Variants in CNBD1 observed in about 807,000 individuals in gnomAD.
CNBD1 encodes the protein cyclic nucleotide-binding domain-containing protein 1.
A neutral mutation model predicts 54.4 loss-of-function variants in CNBD1; 71 were observed. The observed-to-expected ratio is 1.30, with a 90% CI of 1.08 to 1.59. The LOEUF is 1.59. Ranked by LOEUF, CNBD1 falls within the 40% of genes most tolerant of loss-of-function variation. CNBD1 has a pLI of 0.00. For synonymous variants in CNBD1, 182 were observed against 170.7 expected, an observed-to-expected ratio of 1.07 and a Z score of -0.51; for missense variants, 659 against 518.0, an observed-to-expected ratio of 1.27 and a Z score of -2.64.
rs1180325597 is a variant in CNBD1, at chr8:87,421,787, C to G, written c.214-6759C>G. 9.1e-3 allele frequency among the ~76,000 whole-genome samples: 1,318 copies of G among 145,004 alleles called. 12 individuals are homozygous for G. The highest frequency in any genetic ancestry group is 0.032 in the African/African-American group (1,218 of 38,478). On this transcript the variant is annotated intron_variant, in intron 2 of 7. Transcript: ENST00000521593. ...TGATTTATAGTCCTTTGGGTATATA[C>G]CCAGTAATGGGATGGCTGGGTCAAA...
downstream of CNBD1, chr8:87,382,969 G>A (rs901295832): frequency 4.0e-5 from 7 of 173,202 alleles, no homozygotes; most frequent in Non-Finnish European, 8.5e-5. Context: ...ACAAAAGGAT[G>A]GAAACATACT....
chr8:87,158,269 G>T (rs1812786255), intron 4 of CNBD1, among the ~76,000 whole-genome samples: 2 of 152,056 alleles, frequency 1.3e-5, no homozygotes, highest in Admixed American at 1.3e-4. Context: ...TGCTAAGAGG[G>T]ATTCATAATA....
chr8:87,411,882 A>G (rs1269162933), intron 2 of CNBD1, among the ~76,000 whole-genome samples: 1 of 151,918 alleles, frequency 6.6e-6, no homozygotes, highest in Non-Finnish European at 1.5e-5. Flanking sequence ...AGAAACCTAA[A>G]CAATATTATT....
At chr8:87,289,953 TG>T (rs1337500387) in intron 8 of CNBD1, among the ~76,000 whole-genome samples, 3 of 152,126 alleles carry the variant, frequency 2.0e-5, no homozygotes, top group African/African-American at 7.2e-5. Context: ...CATCCTTCAC[TG>T]GTCTCTTTTG....
chr8:87,216,023 T>G (rs1814202250), intron 5 of CNBD1, among the ~76,000 whole-genome samples: 1 of 152,198 alleles, frequency 6.6e-6, no homozygotes, highest in South Asian at 2.1e-4. Flanking sequence ...CTTAACATAG[T>G]GTTTTCGTGG....
chr8:87,226,246 T>C (rs1814487045), intron 5 of CNBD1, among the ~76,000 whole-genome samples: 1 of 151,632 alleles, frequency 6.6e-6, no homozygotes, highest in African/African-American at 2.4e-5. Flanking sequence ...TTCCTTCAGT[T>C]CTGCTCTGAT....
intron 4 of CNBD1, among the ~76,000 whole-genome samples, chr8:87,122,227 T>G (rs1008887595): frequency 6.6e-6 from 1 of 151,904 alleles, no homozygotes; most frequent in Admixed American, 6.6e-5. Flanking sequence ...TCACCAAACC[T>G]TATCTTTCAT....
At chr8:87,203,503 A>G (rs868722538) in intron 4 of CNBD1, among the ~76,000 whole-genome samples, 7 of 152,192 alleles carry the variant, frequency 4.6e-5, no homozygotes, top group Admixed American at 2.0e-4. Flanking sequence ...CATGGTGACA[A>G]CAGAATGATT....
Position 87,282,191 on chromosome 8 carries a change from T to C in CNBD1, c.772-2487T>C, listed in dbSNP as rs528768664. ...AAACCTATACAATATTTTTCTTTCC[T>C]AGCCCAAGAATATAAAGATTCTCAA... On this transcript the variant is annotated intron_variant, in intron 6 of 10. Transcript: ENST00000518476. 4.0e-5 allele frequency among the ~76,000 whole-genome samples: 6 copies of C among 151,890 alleles called. No individual in the cohort carries two copies. In the East Asian group the frequency reaches 1.2e-3, roughly 29 times the overall value.
At chr8:87,256,284 A>G (rs558560539) in intron 6 of CNBD1, among the ~76,000 whole-genome samples, 1 of 151,694 alleles carries the variant, frequency 6.6e-6, no homozygotes, top group South Asian at 2.1e-4. Flanking sequence ...AGCCTCCCAG[A>G]GTGCTGGTAT....
chr8:86,960,065 T>C (rs916886078), intron 4 of CNBD1, among the ~76,000 whole-genome samples: 5 of 152,160 alleles, frequency 3.3e-5, no homozygotes, highest in East Asian at 1.9e-4. Context: ...CAGCTCCCAG[T>C]GTAAGCAATG....
intron 4 of CNBD1, among the ~76,000 whole-genome samples, chr8:87,195,380 C>T (rs2130789149): frequency 6.6e-6 from 1 of 151,584 alleles, no homozygotes; most frequent in Non-Finnish European, 1.5e-5. Flanking sequence ...AGGTGCATGC[C>T]ATCACACCTG....
intron 2 of CNBD1, among the ~76,000 whole-genome samples, chr8:86,903,721 A>G (rs1370221303): frequency 6.6e-6 from 1 of 152,086 alleles, no homozygotes; most frequent in Non-Finnish European, 1.5e-5. Flanking sequence ...TCTCAAATAA[A>G]GTATATTGTC....
At chr8:87,030,522 A>G (rs994454835) in intron 4 of CNBD1, among the ~76,000 whole-genome samples, 1 of 152,118 alleles carries the variant, frequency 6.6e-6, no homozygotes, top group South Asian at 2.1e-4. Context: ...CTTTATCTCC[A>G]TGCTACATAT....
chr8:87,096,494 A>G (rs1337675992), intron 4 of CNBD1, among the ~76,000 whole-genome samples: 2 of 152,134 alleles, frequency 1.3e-5, no homozygotes, highest in Non-Finnish European at 2.9e-5. Flanking sequence ...TTTAGGGTAA[A>G]CAATTAGATC....
chr8:87,134,515 T>C (rs1812185155), intron 4 of CNBD1, among the ~76,000 whole-genome samples: 1 of 151,534 alleles, frequency 6.6e-6, no homozygotes, highest in South Asian at 2.1e-4. Flanking sequence ...TAAAAGAATT[T>C]CAGAAAACTT....
chr8:87,040,825 TAATA>T (rs1186615914), intron 4 of CNBD1, among the ~76,000 whole-genome samples: 1 of 151,296 alleles, frequency 6.6e-6, no homozygotes, highest in Non-Finnish European at 1.5e-5. Flanking sequence ...TATTATTCAA[TAATA>T]AATATAATAA....
chr8:87,095,470 C>T (rs1427660879), intron 4 of CNBD1, among the ~76,000 whole-genome samples: 1 of 152,160 alleles, frequency 6.6e-6, no homozygotes, highest in Admixed American at 6.5e-5. Flanking sequence ...CTCTTCTCTC[C>T]TATTATAACA....
At chr8:87,319,966 AT>A (rs34979812) in intron 8 of CNBD1, among the ~76,000 whole-genome samples, 3 of 152,020 alleles carry the variant, frequency 2.0e-5, no homozygotes, top group African/African-American at 7.2e-5. Context: ...GAATGGCACT[AT>A]TTTAAAATGA....
Sources: gnomAD v4.1 joint callset for allele counts (sites outside exome capture counted in the v4.1 genomes callset) on GRCh38, gnomAD v4.1.1 for gene constraint, MANE v1.5 for transcripts, NCBI Gene and HGNC (gene_info 2026-07-23, HGNC 2026-07-21) for gene names.